Variants in RBFOX1 observed in about 807,000 individuals in gnomAD.
The protein encoded by RBFOX1 is RNA binding fox-1 homolog 1, also known as RNA binding protein fox-1 homolog 1.
Under a neutral mutation model 57.7 loss-of-function variants are expected in RBFOX1, and 8 were observed. The ratio of observed to expected loss-of-function variants is 0.14; its 90% CI spans 0.08 to 0.25. The LOEUF is 0.25. Among genes scored for constraint, RBFOX1 ranks in the 10% least tolerant of loss-of-function variants. RBFOX1 has a pLI of 1.00. For missense variants in RBFOX1, 611 were observed against 548.5 expected, an observed-to-expected ratio of 1.11 and a Z score of -1.14; for synonymous variants, 326 against 222.4, an observed-to-expected ratio of 1.47 and a Z score of -4.15.
At chr16:5,802,741 C>G (rs1247057139) in intron 3 of RBFOX1, among the ~76,000 whole-genome samples, 2 of 152,208 alleles carry the variant, frequency 1.3e-5, no homozygotes, top group Non-Finnish European at 2.9e-5. Flanking sequence ...CAGACAAAAA[C>G]TCCATCACTG....
chr16:5,409,647 C>A (rs1003044123), intron 1 of RBFOX1, among the ~76,000 whole-genome samples: 1 of 152,138 alleles, frequency 6.6e-6, no homozygotes, highest in Non-Finnish European at 1.5e-5. Flanking sequence ...AGGCTCCTTG[C>A]CTCCAGGAAG....
At chr16:7,685,103 C>T (rs1193846760) in intron 14 of RBFOX1, among the ~76,000 whole-genome samples, 6 of 152,014 alleles carry the variant, frequency 3.9e-5, no homozygotes, top group South Asian at 2.1e-4. Context: ...CAGTCCCAGC[C>T]GTGCTGAACC....
intron 3 of RBFOX1, among the ~76,000 whole-genome samples, chr16:6,780,822 A>G (rs1203529106): frequency 1.3e-5 from 2 of 151,578 alleles, no homozygotes; most frequent in Admixed American, 1.3e-4. Flanking sequence ...ATGTTTGCTC[A>G]TTTTTATTTG....
At chr16:6,622,738 G>C (rs1458370815) in intron 2 of RBFOX1, among the ~76,000 whole-genome samples, 2 of 152,128 alleles carry the variant, frequency 1.3e-5, no homozygotes, top group African/African-American at 4.8e-5. Context: ...AAGTGTGCTT[G>C]TATTTTTGTC....
intron 3 of RBFOX1, among the ~76,000 whole-genome samples, chr16:6,928,438 C>A: frequency 6.6e-6 from 1 of 152,128 alleles, no homozygotes; most frequent in Admixed American, 6.6e-5. Flanking sequence ...GAGCTGGCAG[C>A]CAAGAGCTCA....
At chr16:6,859,173 A>ATGTATATATATATG (rs1567593417) in intron 3 of RBFOX1, among the ~76,000 whole-genome samples, 122 of 65,176 alleles carry the variant, frequency 1.9e-3, no homozygotes, top group Non-Finnish European at 3.0e-3. Flanking sequence ...ACGTATATAT[A>ATGTATATATATATG]TGTATATATA....
At chr16:5,969,669 A>G (rs1331171250) in intron 4 of RBFOX1, among the ~76,000 whole-genome samples, 1 of 151,794 alleles carries the variant, frequency 6.6e-6, no homozygotes, top group East Asian at 1.9e-4. Flanking sequence ...AATCTTAGGT[A>G]GCTTATCTAA....
chr16:5,747,175 C>G (rs1436431766), intron 3 of RBFOX1, among the ~76,000 whole-genome samples: 2 of 152,140 alleles, frequency 1.3e-5, no homozygotes, highest in Non-Finnish European at 2.9e-5. Flanking sequence ...TGTTAAAATG[C>G]TGGATTACAT....
intron 2 of RBFOX1, among the ~76,000 whole-genome samples, chr16:6,415,616 G>A (rs1251555168): frequency 2.0e-5 from 3 of 152,102 alleles, no homozygotes; most frequent in Admixed American, 6.6e-5. Context: ...CAGAAGAATC[G>A]CTTGAATCCG....
chr16:5,259,752 C>T (rs184945674), intron 1 of RBFOX1, among the ~76,000 whole-genome samples: 233 of 152,244 alleles, frequency 1.5e-3, no homozygotes, highest in Non-Finnish European at 2.6e-3. Flanking sequence ...GAAATGGAGC[C>T]GGGTTATGGA....
At chr16:5,339,557 A>ACTG (rs1281445271) in intron 1 of RBFOX1, among the ~76,000 whole-genome samples, 2 of 130,170 alleles carry the variant, frequency 1.5e-5, no homozygotes, top group Non-Finnish European at 3.1e-5. Context: ...ATCTTAGCTC[A>ACTG]CTGCAAGCTT....
chr16:5,761,773 T>C (rs1325591257), intron 3 of RBFOX1, among the ~76,000 whole-genome samples: 2 of 152,068 alleles, frequency 1.3e-5, no homozygotes, highest in African/African-American at 4.8e-5. Flanking sequence ...GCTAAATGGG[T>C]AAAGAATAAG....
chr16:7,495,650 C>CT (rs1332806012), intron 4 of RBFOX1, among the ~76,000 whole-genome samples: 22 of 152,110 alleles, frequency 1.4e-4, no homozygotes, highest in African/African-American at 4.6e-4. Context: ...GACCTTTGTC[C>CT]ATTTTTTTGC....
At chr16:7,088,710 T>G (rs12920778) in intron 4 of RBFOX1, among the ~76,000 whole-genome samples, 90,986 of 152,040 alleles carry the variant, frequency 0.6, 30,595 homozygotes, top group South Asian at 0.83. Context: ...TATCCTAGTG[T>G]AGTTTAGCCA....
intron 4 of RBFOX1, among the ~76,000 whole-genome samples, chr16:7,481,892 A>C (rs962317564): frequency 6.6e-6 from 1 of 152,244 alleles, no homozygotes; most frequent in Non-Finnish European, 1.5e-5. Flanking sequence ...CTATCTTACA[A>C]TAAAGTGTTG....
intron 3 of RBFOX1, among the ~76,000 whole-genome samples, chr16:6,657,999 G>C (rs904342260): frequency 1.3e-5 from 2 of 151,756 alleles, no homozygotes. Context: ...GGATATATTT[G>C]TGTACCTCGA....
At chr16:5,240,741 A>C (rs940591249) in intron 1 of RBFOX1, among the ~76,000 whole-genome samples, 5 of 152,118 alleles carry the variant, frequency 3.3e-5, no homozygotes, top group Admixed American at 3.3e-4. Context: ...TGTCCCTGTG[A>C]GCTCCCGGTG....
At chr16:7,017,979 G>C (rs1475422188) in intron 3 of RBFOX1, among the ~76,000 whole-genome samples, 1 of 152,172 alleles carries the variant, frequency 6.6e-6, no homozygotes, top group Non-Finnish European at 1.5e-5. Flanking sequence ...TCTACGGGCA[G>C]TTGTGGTCTT....
At chr16:6,784,451 C>T (rs551890304) in intron 3 of RBFOX1, among the ~76,000 whole-genome samples, 2 of 152,168 alleles carry the variant, frequency 1.3e-5, no homozygotes, top group African/African-American at 2.4e-5. Flanking sequence ...TCTGCAATTT[C>T]TGTTTGATTT....
Sources: gnomAD v4.1 joint callset for allele counts (sites outside exome capture counted in the v4.1 genomes callset) on GRCh38, gnomAD v4.1.1 for gene constraint, MANE v1.5 for transcripts, NCBI Gene and HGNC (gene_info 2026-07-23, HGNC 2026-07-21) for gene names.